The following LYSMD3 variants were observed in gnomAD, a reference collection of about 807,000 sequenced individuals.
LYSMD3 encodes the protein LysM domain containing 3, also known as lysM and putative peptidoglycan-binding domain-containing protein 3.
LYSMD3 carries 13 observed loss-of-function variants against 26.1 expected under a neutral mutation model. The observed-to-expected ratio is 0.50, with a 90% CI of 0.32 to 0.79. LYSMD3 has a LOEUF of 0.79. Among genes scored for constraint, LYSMD3 ranks in the 30% least tolerant of loss-of-function variants. The pLI is 0.03. For synonymous variants in LYSMD3, 109 were observed against 119.4 expected (o/e 0.91, Z 0.57); for missense variants, 331 against 362.5 (o/e 0.91, Z 0.71).
chr5:90,526,941 A>T (rs1753237468), intron 1 of LYSMD3: 1 of 152,230 alleles, frequency 6.6e-6, no homozygotes, highest in Admixed American at 6.5e-5. Flanking sequence ...GAAAAAGAAG[A>T]GGGTCCAAGA....
At chr5:90,520,383 T>G (rs773625010) in intron 2 of LYSMD3, 1 of 456,250 alleles carries the variant, frequency 2.2e-6, no homozygotes, top group East Asian at 6.9e-5. Flanking sequence ...GTCAGAGAGA[T>G]AAAGTGGGTC....
rs754035489 is a variant in LYSMD3, at chr5:90,518,925, A to T, written c.815T>A (p.Met272Lys). 22 of 1,613,798 alleles carry T rather than the reference A, an allele frequency of 1.4e-5. No individual in the cohort carries two copies. Among genetic ancestry groups the T allele is most frequent in the Non-Finnish European group, 1.7e-5 (20 of 1,179,960 alleles). The change falls in exon 3 of 3, where the codon ATG becomes AAG. Residue 272 changes from methionine (M) to lysine (K), a missense_variant. Met to Lys is a moderately conservative substitution (Grantham distance 95). Around this residue, in one of 3 missense-constraint regions of LYSMD3, gnomAD observed 61 missense variants for 66.8 expected, o/e 0.91. Transcript: ENST00000315948. ...KITPPSQQRE[M>K]ENGIVPTKGI... ...TTTAGTTGGCACAATTCCATTTTCC[A>T]TTTCTCTCTGCTGTGATGGGGGTGT...
chr5:90,528,458 G>A (rs970543236), intron 1 of LYSMD3, among the ~76,000 whole-genome samples: 2 of 152,034 alleles, frequency 1.3e-5, no homozygotes, highest in Non-Finnish European at 2.9e-5. Flanking sequence ...CTCTCTCCAC[G>A]ATATATTTCT....
Position 90,525,079 on chromosome 5 carries a change from C to T in LYSMD3, c.211G>A (p.Glu71Lys). Residue 71 changes from glutamate to lysine, a missense_variant, in exon 2 of 3, where the codon GAA becomes AAA. Coordinates refer to ENST00000315948, the MANE Select transcript of LYSMD3 (RefSeq NM_198273.2). ...DIIVLTKDIQEGDTLNAIALQ... is the reference protein window; with the variant it reads ...DIIVLTKDIQKGDTLNAIALQ... ...GCTATTGCATTTAATGTATCTCCTT[C>T]TTGTATATCTTTTGTTAATACTATA... 6.2e-7 allele frequency: 1 copy of T among 1,612,780 alleles called. No individual in the cohort carries two copies. The highest frequency in any genetic ancestry group is 8.5e-7 in the Non-Finnish European group (1 of 1,179,044).
intron 2 of LYSMD3, among the ~76,000 whole-genome samples, chr5:90,519,721 A>G (rs951888699): frequency 6.6e-6 from 1 of 152,140 alleles, no homozygotes; most frequent in African/African-American, 2.4e-5. Context: ...TGTTAGTAAC[A>G]CTAATTAATG....
chr5:90,518,766 C>T lies in LYSMD3; in HGVS notation c.*53G>A. 4 of 1,456,040 alleles carry T rather than the reference C, an allele frequency of 2.7e-6. No individual in the cohort carries two copies. Among genetic ancestry groups the T allele is most frequent in the Non-Finnish European group, 3.7e-6 (4 of 1,075,828 alleles). 90.2% of individuals were successfully genotyped at this position (1,456,040 alleles called of 1,614,324 possible). Reference sequence around the variant, plus strand: ...AAGCTATTATTGGATATAACTGATTCACCACATTCCAGATGCACATGTGAC... The same window carrying T: ...AAGCTATTATTGGATATAACTGATTTACCACATTCCAGATGCACATGTGAC... On this transcript the variant is annotated 3_prime_UTR_variant, in exon 3 of 3. Coordinates refer to ENST00000315948, the MANE Select transcript of LYSMD3 (RefSeq NM_198273.2).
Position 90,519,143 on chromosome 5 carries a change from A to G in LYSMD3, c.597T>C (p.Asp199=). 6.2e-7 allele frequency: 1 copy of G among 1,614,096 alleles called. No individual in the cohort carries two copies. The highest frequency in any genetic ancestry group is 8.5e-7 in the Non-Finnish European group (1 of 1,179,978). ...LTAQQMRFEP[D]NKNTQRKDPY... Reference sequence around the variant, plus strand: ...GGTCTTTACGTTGAGTGTTTTTGTTATCAGGTTCAAAACGCATTTGTTGTG... The same window carrying G: ...GGTCTTTACGTTGAGTGTTTTTGTTGTCAGGTTCAAAACGCATTTGTTGTG... Residue 199 remains aspartate, a synonymous_variant, in exon 3 of 3, where the codon GAT becomes GAC. Coordinates refer to ENST00000315948, the MANE Select transcript of LYSMD3 (RefSeq NM_198273.2).
intron 2 of LYSMD3, among the ~76,000 whole-genome samples, chr5:90,523,260 C>CA (rs769701221): frequency 6.6e-6 from 1 of 151,866 alleles, no homozygotes; most frequent in Non-Finnish European, 1.5e-5. Flanking sequence ...TACACCACAT[C>CA]AAAAAATTCA....
chr5:90,519,029 CAAATA>C lies in LYSMD3; in HGVS notation c.706_710del (p.Tyr236ValfsTer4), dbSNP rs750514921. ...CCTTAGCTAAAATTTCATAATACAACAAATAAAACACTGGTGTTATTATACCTACT... is the reference window on the plus strand; with the variant it reads ...CCTTAGCTAAAATTTCATAATACAACAAACACTGGTGTTATTATACCTACT... On this transcript the variant is annotated frameshift_variant, in exon 3 of 3. Transcript: ENST00000315948. LOFTEE classifies it high-confidence loss of function. The C allele has an allele frequency of 6.2e-7, 1 of 1,614,092 alleles. No individual in the cohort carries two copies. The highest frequency in any genetic ancestry group is 8.5e-7 in the Non-Finnish European group (1 of 1,179,972).
At position 90,519,027 on chromosome 5, in the gene LYSMD3, A is replaced by G; in HGVS notation, c.713T>C (p.Leu238Ser). Reference protein sequence around the residue: ...VGIITPVFYLLYYEILAKVDV... With the variant: ...VGIITPVFYLSYYEILAKVDV... ...CACCTTAGCTAAAATTTCATAATAC[A>G]ACAAATAAAACACTGGTGTTATTAT... The change falls in exon 3 of 3, where the codon TTG (leucine) becomes TCG (serine). Residue 238 changes from leucine (L) to serine (S), a missense_variant. Physicochemically the swap from Leu to Ser is moderately radical, Grantham distance 145 (BLOSUM62 -2). This residue lies in a region of LYSMD3 where 8 missense variants were observed against 28.4 expected (regional missense o/e 0.28). Coordinates refer to ENST00000315948, the MANE Select transcript of LYSMD3 (RefSeq NM_198273.2). The G allele has an allele frequency of 6.2e-7, 1 of 1,614,100 alleles. No individual in the cohort carries two copies. Among genetic ancestry groups the G allele is most frequent in the Non-Finnish European group, 8.5e-7 (1 of 1,179,986 alleles).
chr5:90,526,840 G>A (rs1208658450), intron 1 of LYSMD3: 1 of 152,160 alleles, frequency 6.6e-6, no homozygotes, highest in African/African-American at 2.4e-5. Flanking sequence ...CAAACTCAGA[G>A]AAAAGGTCTA....
chr5:90,521,180 CTT>C (rs1753080845), intron 2 of LYSMD3, among the ~76,000 whole-genome samples: 1 of 152,076 alleles, frequency 6.6e-6, no homozygotes, highest in Admixed American at 6.6e-5. Flanking sequence ...TGTTTAACCT[CTT>C]TGCCATTAAG....
chr5:90,527,509 G>A (rs1417452092), intron 1 of LYSMD3, among the ~76,000 whole-genome samples: 1 of 151,568 alleles, frequency 6.6e-6, no homozygotes, highest in African/African-American at 2.4e-5. Flanking sequence ...TAGGAATGAC[G>A]GTGATGCCAA....
Position 90,517,475 on chromosome 5 carries a change from T to C in LYSMD3, c.*1344A>G, listed in dbSNP as rs1561264776. 1 of 152,162 alleles carries C rather than the reference T, an allele frequency of 6.6e-6. No individual in the cohort carries two copies. Among genetic ancestry groups the C allele is most frequent in the East Asian group, 1.9e-4 (1 of 5,182 alleles). 9.4% of individuals were successfully genotyped at this position (152,162 alleles called of 1,614,324 possible). ...CTATTGAAGAATCATTCTGGTTACATTTTTAAAACACATACTTTTAAAGAT... is the reference window on the plus strand; with the variant it reads ...CTATTGAAGAATCATTCTGGTTACACTTTTAAAACACATACTTTTAAAGAT... On this transcript the variant is annotated 3_prime_UTR_variant, in exon 3 of 3. Transcript: ENST00000315948.
At chr5:90,528,421 C>T (rs1714351761) in intron 1 of LYSMD3, among the ~76,000 whole-genome samples, 1 of 152,148 alleles carries the variant, frequency 6.6e-6, no homozygotes, top group Admixed American at 6.5e-5. Context: ...TGCCCCAAAG[C>T]CATTTTAGAT....
chr5:90,529,416 G>A (rs547955027), intron 1 of LYSMD3, 32 bp downstream of exon 1: 2 of 456,312 alleles, frequency 4.4e-6, no homozygotes, highest in Non-Finnish European at 8.8e-6. Flanking sequence ...CTCCTGGACC[G>A]GGCTACCCTC....
At chr5:90,521,833 A>G (rs776619783) in intron 2 of LYSMD3, among the ~76,000 whole-genome samples, 17 of 152,270 alleles carry the variant, frequency 1.1e-4, no homozygotes, top group Non-Finnish European at 1.9e-4. Context: ...TCACAGTTGT[A>G]TAACTGACAG....
At position 90,515,792 on chromosome 5, in the gene LYSMD3, A is replaced by T. The variant is rs1339308459; in HGVS notation, c.*3027T>A. On this transcript the variant is annotated 3_prime_UTR_variant, in exon 3 of 3. Coordinates refer to ENST00000315948, the MANE Select transcript of LYSMD3 (RefSeq NM_198273.2). ...TATACAAAAGATTTATAGATTTTGC[A>T]TACATAAAAATTAAAGCATTCAGAT... The T allele has an allele frequency of 6.6e-6, 1 of 152,212 alleles. No homozygotes were observed. Among genetic ancestry groups the T allele is most frequent in the East Asian group, 1.9e-4 (1 of 5,196 alleles). The allele number at this position is 152,212 out of a possible 1,614,324, so 9.4% of individuals were successfully genotyped here.
intron 2 of LYSMD3, 73 bp from the exon 3 acceptor site, chr5:90,519,557 T>C (rs1206178152): frequency 9.1e-6 from 13 of 1,421,580 alleles, no homozygotes; most frequent in Non-Finnish European, 1.1e-5. Flanking sequence ...TCATTCATTC[T>C]AGTTACTTTT....
Sources: allele counts gnomAD v4.1 joint callset (sites outside exome capture counted in the v4.1 genomes callset), GRCh38; gene constraint gnomAD v4.1.1; regional missense constraint gnomAD v4.1.1; transcripts MANE v1.5; gene names NCBI Gene and HGNC (gene_info 2026-07-23, HGNC 2026-07-21).